Variants in ZNF503 observed in about 807,000 individuals in gnomAD.
ZNF503 encodes the protein NocA-like zinc finger 2.
In ZNF503, 15 loss-of-function variants were observed where a neutral mutation model predicts 34.4. The observed-to-expected ratio is 0.44, with a 90% CI of 0.29 to 0.67. The LOEUF is 0.67. ZNF503 is among the 30% of genes least tolerant of loss of function. ZNF503 has a pLI of 0.13. For synonymous variants in ZNF503, 580 were observed against 456.8 expected, an observed-to-expected ratio of 1.27 and a Z score of -3.44; for missense variants, 1,007 against 926.8, an observed-to-expected ratio of 1.09 and a Z score of -1.12.
the ZNF503 span, among the ~76,000 whole-genome samples, chr10:75,333,082 G>A: frequency 2.9e-4 from 43 of 145,782 alleles, no homozygotes; most frequent in Non-Finnish European, 3.8e-4. Flanking sequence ...CCTCCCAGAC[G>A]GGGCGGCTGG....
At chr10:75,294,699 C>T in the ZNF503 span, among the ~76,000 whole-genome samples, 5 of 59,198 alleles carry the variant, frequency 8.4e-5, no homozygotes, top group South Asian at 2.7e-3. Flanking sequence ...CTGAGCGGAG[C>T]GGGGAAGGAA....
At chr10:75,315,172 C>A in the ZNF503 span, among the ~76,000 whole-genome samples, 1 of 152,108 alleles carries the variant, frequency 6.6e-6, no homozygotes, top group Non-Finnish European at 1.5e-5. Flanking sequence ...CCAGCCTGGG[C>A]AACATAGCAA....
At chr10:75,355,639 G>A in the ZNF503 span, among the ~76,000 whole-genome samples, 4 of 152,186 alleles carry the variant, frequency 2.6e-5, no homozygotes, top group Admixed American at 2.0e-4. Flanking sequence ...GTTGGTCAAT[G>A]ATCTTCTTAC....
the ZNF503 span, among the ~76,000 whole-genome samples, chr10:75,349,584 C>G: frequency 2.0e-5 from 3 of 152,104 alleles, no homozygotes; most frequent in African/African-American, 7.2e-5. Flanking sequence ...AGTACTTTTC[C>G]CAAAGTCACA....
chr10:75,325,329 A>ATAT, the ZNF503 span, among the ~76,000 whole-genome samples: 1 of 94,016 alleles, frequency 1.1e-5, no homozygotes, highest in South Asian at 3.3e-4. Context: ...ATATATATAT[A>ATAT]TTTTTTTTTT....
the ZNF503 span, among the ~76,000 whole-genome samples, chr10:75,363,081 T>C: frequency 1.3e-5 from 2 of 148,660 alleles, no homozygotes; most frequent in African/African-American, 2.5e-5. Flanking sequence ...CATGCATGCA[T>C]ACACACACAC....
chr10:75,378,407 A>G, the ZNF503 span, among the ~76,000 whole-genome samples: 1 of 152,122 alleles, frequency 6.6e-6, no homozygotes, highest in Non-Finnish European at 1.5e-5. Flanking sequence ...GGTGGTCTCC[A>G]GATTGCATCT....
Position 75,399,917 on chromosome 10 carries a change from G to C in ZNF503, c.773C>G (p.Thr258Ser). Reference protein sequence around the residue: ...APEGKDDKKDTDVGGGGKGTG... With the variant: ...APEGKDDKKDSDVGGGGKGTG... ...GCCCTTGCCACCGCCGCCCACGTCG[G>C]TGTCTTTCTTGTCGTCCTTGCCCTC... Residue 258 changes from threonine to serine, a missense_variant, in exon 2 of 2, where the codon ACC (threonine) becomes AGC (serine). Coordinates refer to ENST00000372524, the MANE Select transcript of ZNF503 (RefSeq NM_032772.6). 6.2e-7 allele frequency: 1 copy of C among 1,606,156 alleles called. No individual in the cohort carries two copies. The highest frequency in any genetic ancestry group is 2.2e-5 in the East Asian group (1 of 44,746).
At chr10:75,294,665 G>A in the ZNF503 span, among the ~76,000 whole-genome samples, 1 of 151,772 alleles carries the variant, frequency 6.6e-6, no homozygotes. Context: ...GCAGGGGCAG[G>A]GGACAGGGCG....
the ZNF503 span, among the ~76,000 whole-genome samples, chr10:75,328,127 G>A: frequency 1.3e-5 from 2 of 152,008 alleles, no homozygotes; most frequent in African/African-American, 2.4e-5. Context: ...GTCTATTTTT[G>A]CGTGTTGCTT....
chr10:75,318,533 G>A, the ZNF503 span, among the ~76,000 whole-genome samples: 1 of 152,142 alleles, frequency 6.6e-6, no homozygotes, highest in African/African-American at 2.4e-5. Context: ...GCTGGGTATG[G>A]TGGTGCATGC....
the ZNF503 span, among the ~76,000 whole-genome samples, chr10:75,373,200 T>C: frequency 2.6e-5 from 4 of 152,238 alleles, no homozygotes; most frequent in East Asian, 7.7e-4. Context: ...AGGGAACTGC[T>C]TTGCCCAAAG....
the ZNF503 span, among the ~76,000 whole-genome samples, chr10:75,336,436 G>A: frequency 2.0e-5 from 3 of 149,834 alleles, no homozygotes; most frequent in African/African-American, 2.4e-5. Flanking sequence ...AATCATCATC[G>A]TTATTATTAT....
the ZNF503 span, among the ~76,000 whole-genome samples, chr10:75,293,615 C>G: frequency 6.6e-6 from 1 of 151,222 alleles, no homozygotes; most frequent in Non-Finnish European, 1.5e-5. Context: ...ACCAGAGTGC[C>G]CCCCCCGTCC....
chr10:75,369,163 AAC>A, the ZNF503 span, among the ~76,000 whole-genome samples: 3 of 152,232 alleles, frequency 2.0e-5, no homozygotes, highest in South Asian at 2.1e-4. Flanking sequence ...TTAATAATAA[AAC>A]ACGGGTATAG....
chr10:75,371,803 G>C, the ZNF503 span, among the ~76,000 whole-genome samples: 1 of 152,268 alleles, frequency 6.6e-6, no homozygotes, highest in Non-Finnish European at 1.5e-5. Context: ...GGCTGCTCCT[G>C]GGAGACCATG....
At chr10:75,381,705 G>A in the ZNF503 span, among the ~76,000 whole-genome samples, 313 of 150,826 alleles carry the variant, frequency 2.1e-3, 1 homozygote, top group Non-Finnish European at 3.2e-3. Flanking sequence ...ATCCTGGGCT[G>A]CCTCCAGATT....
At chr10:75,401,793 G>C, upstream of ZNF503, 1 of 266,224 alleles carries the variant, frequency 3.8e-6, no homozygotes, top group African/African-American at 2.3e-5. Context: ...AAAAGCAGCT[G>C]CACCAAGGGG....
the ZNF503 span, among the ~76,000 whole-genome samples, chr10:75,286,798 T>C: frequency 6.6e-6 from 1 of 152,204 alleles, no homozygotes. Flanking sequence ...GGGCCAGGGC[T>C]GAGACAGAGG....
Sources: gnomAD v4.1 joint callset for allele counts (sites outside exome capture counted in the v4.1 genomes callset) on GRCh38, gnomAD v4.1.1 for gene constraint, MANE v1.5 for transcripts, NCBI Gene and HGNC (gene_info 2026-07-23, HGNC 2026-07-21) for gene names.